Variants in OXCT1 observed in about 807,000 individuals in gnomAD.
The protein encoded by OXCT1 is 3-oxoacid CoA-transferase 1.
A neutral mutation model predicts 69.6 loss-of-function variants in OXCT1; 27 were observed. The observed-to-expected ratio is 0.39, with a 90% CI of 0.29 to 0.54. The LOEUF is 0.54. Ranked by LOEUF, OXCT1 falls within the 20% of genes least tolerant of loss-of-function variation. OXCT1 has a pLI of 0.72. For synonymous variants in OXCT1, 202 were observed against 217.8 expected, an observed-to-expected ratio of 0.93 and a Z score of 0.64; for missense variants, 437 against 650.2, an observed-to-expected ratio of 0.67 and a Z score of 3.57.
At chr5:41,860,127 C>T (rs979850988) in intron 3 of OXCT1, among the ~76,000 whole-genome samples, 1 of 151,690 alleles carries the variant, frequency 6.6e-6, no homozygotes, top group Admixed American at 6.6e-5. Context: ...TAAGAGTTAT[C>T]GAGTTGTCTT....
At chr5:41,864,071 T>A (rs1043974410) in intron 1 of OXCT1, among the ~76,000 whole-genome samples, 8 of 152,320 alleles carry the variant, frequency 5.3e-5, no homozygotes, top group African/African-American at 1.7e-4. Context: ...TGGTCCCAAA[T>A]GAGTCACCTA....
At chr5:41,867,396 A>T (rs556755065) in intron 1 of OXCT1, among the ~76,000 whole-genome samples, 7 of 152,244 alleles carry the variant, frequency 4.6e-5, no homozygotes, top group Non-Finnish European at 1.0e-4. Flanking sequence ...TCATTAAATA[A>T]TTACAAAATT....
intron 14 of OXCT1, among the ~76,000 whole-genome samples, chr5:41,760,194 A>G (rs1258033585): frequency 6.6e-6 from 1 of 152,162 alleles, no homozygotes; most frequent in Non-Finnish European, 1.5e-5. Flanking sequence ...CATATTCGAG[A>G]GCCACAAGTA....
chr5:41,839,017 C>T (rs190329974), intron 7 of OXCT1, among the ~76,000 whole-genome samples: 1 of 152,272 alleles, frequency 6.6e-6, no homozygotes, highest in Admixed American at 6.5e-5. Flanking sequence ...ATGTGTGTCT[C>T]GGCCTACCAG....
chr5:41,835,986 T>C (rs1026974648), intron 7 of OXCT1, among the ~76,000 whole-genome samples: 3 of 151,814 alleles, frequency 2.0e-5, no homozygotes, highest in Non-Finnish European at 2.9e-5. Context: ...GAAACTTAGA[T>C]GGTAGGTTAT....
rs186596830 is a variant in OXCT1, at chr5:41,810,631, T to C, written c.733-3193A>G. The stretch of plus-strand genomic sequence containing the variant: ...CTTTGTTTTAAAAGATTGCTTTCTC[T>C]GCACTGCACTCTTCCTACTTTATAA... On this transcript the variant is annotated intron_variant, in intron 7 of 16. Coordinates refer to ENST00000196371, the MANE Select transcript of OXCT1 (RefSeq NM_000436.4). 1.5e-4 allele frequency among the ~76,000 whole-genome samples: 23 copies of C among 152,220 alleles called. No homozygotes were observed. The East Asian group carries it at 4.3e-3, about 28-fold the overall frequency.
At chr5:41,793,893 TTAAAA>T in intron 13 of OXCT1, 105 bp downstream of exon 13, 3 of 739,312 alleles carry the variant, frequency 4.1e-6, no homozygotes, top group Non-Finnish European at 7.2e-6. Flanking sequence ...GAAATATATA[TTAAAA>T]TATTTCATTT....
In OXCT1 at chr5:41,801,041, A is replaced by G. The variant is rs140869022; in HGVS notation, c.1080T>C (p.Asp360=). The change falls in exon 11 of 17, where the codon GAT becomes GAC. Residue 360 remains aspartate, a synonymous_variant. Coordinates refer to ENST00000196371, the MANE Select transcript of OXCT1 (RefSeq NM_000436.4). Reference sequence around the variant, plus strand: ...GCTTACCTGCATTGATGAGATCTGCATCAGCTTCATGTTGTCGTGGATATG... The same window carrying G: ...GCTTACCTGCATTGATGAGATCTGCGTCAGCTTCATGTTGTCGTGGATATG... The part of the protein sequence containing the change: ...LGPYPRQHEA[D]ADLINAGKET... 249 of 1,612,990 alleles carry G rather than the reference A, an allele frequency of 1.5e-4. No individual in the cohort carries two copies. The African/African-American group carries it at 3.2e-3, about 21-fold the overall frequency.
intron 5 of OXCT1, among the ~76,000 whole-genome samples, chr5:41,844,295 A>G (rs1380996477): frequency 2.0e-5 from 3 of 152,130 alleles, no homozygotes; most frequent in African/African-American, 7.2e-5. Context: ...CATCCCCTCT[A>G]TTCCAAAAAG....
At chr5:41,741,296 T>C (rs1351054605) in intron 15 of OXCT1, among the ~76,000 whole-genome samples, 1 of 152,142 alleles carries the variant, frequency 6.6e-6, no homozygotes, top group East Asian at 1.9e-4. Context: ...TGAATTGTCA[T>C]TTTTGAATAC....
At chr5:41,866,863 C>A (rs1876653) in intron 1 of OXCT1, among the ~76,000 whole-genome samples, 14 of 152,018 alleles carry the variant, frequency 9.2e-5, no homozygotes, top group African/African-American at 3.4e-4. Context: ...ACTAGAAAAC[C>A]AAAGTTTGCC....
At chr5:41,843,228 T>A (rs554735816) in intron 5 of OXCT1, among the ~76,000 whole-genome samples, 53 of 152,322 alleles carry the variant, frequency 3.5e-4, no homozygotes, top group African/African-American at 1.2e-3. Flanking sequence ...ATAACCTATA[T>A]CACCTGTTGA....
Position 41,803,177 on chromosome 5 carries a change from ATGT to A in OXCT1, c.956-17_956-15del. The A allele has an allele frequency of 6.5e-7, 1 of 1,536,198 alleles. No individual in the cohort carries two copies. Among genetic ancestry groups the A allele is most frequent in the Non-Finnish European group, 9.0e-7 (1 of 1,109,590 alleles). On this transcript the variant is annotated splice_polypyrimidine_tract_variant and intron_variant, in intron 9 of 16. Coordinates refer to ENST00000196371, the MANE Select transcript of OXCT1 (RefSeq NM_000436.4). ...TGCCCAAATTAGCTGGAAAAAAAAG[ATGT>A]TAAGGTCCAGCATATAAAAGGTAGA...
chr5:41,743,873 G>C (rs1313456458), intron 15 of OXCT1, among the ~76,000 whole-genome samples: 1 of 152,124 alleles, frequency 6.6e-6, no homozygotes, highest in Non-Finnish European at 1.5e-5. Flanking sequence ...TGCTGTTTTG[G>C]TTACTGTAGC....
In OXCT1 at chr5:41,740,516, T is replaced by C. The variant is rs139439608; in HGVS notation, c.1420-1025A>G. On this transcript the variant is annotated intron_variant, in intron 15 of 16. Coordinates refer to ENST00000196371, the MANE Select transcript of OXCT1 (RefSeq NM_000436.4). ...TAACATCAGGTGTTGGTAGTGCCAA[T>C]TGGTATGGCTTGACCTCAGCAGATA... is the stretch of plus-strand genomic sequence containing the variant. 1.6e-4 allele frequency among the ~76,000 whole-genome samples: 25 copies of C among 152,320 alleles called. No individual in the cohort carries two copies. In the East Asian group the frequency reaches 3.9e-3, roughly 24 times the overall value.
intron 7 of OXCT1, among the ~76,000 whole-genome samples, chr5:41,812,986 C>T (rs1052145818): frequency 2.0e-5 from 3 of 152,154 alleles, no homozygotes; most frequent in East Asian, 1.9e-4. Context: ...TTATTATATA[C>T]ATGGTCTAGA....
At chr5:41,806,538 G>A (rs1746688549) in intron 8 of OXCT1, among the ~76,000 whole-genome samples, 2 of 152,054 alleles carry the variant, frequency 1.3e-5, no homozygotes, top group African/African-American at 4.8e-5. Flanking sequence ...AATTGGCTTA[G>A]TGCCATCCCT....
chr5:41,866,532 G>A (rs768859231), intron 1 of OXCT1, among the ~76,000 whole-genome samples: 1 of 152,202 alleles, frequency 6.6e-6, no homozygotes, highest in Non-Finnish European at 1.5e-5. Context: ...AGTAATATGT[G>A]AGTGGATACA....
intron 15 of OXCT1, 25 bp from the exon 16 acceptor site, chr5:41,739,516 C>T: frequency 1.4e-6 from 2 of 1,473,288 alleles, no homozygotes; most frequent in South Asian, 2.3e-5. Context: ...AGAAAAAGGA[C>T]AATGACAATT....
Sources: allele counts gnomAD v4.1 joint callset (sites outside exome capture counted in the v4.1 genomes callset), GRCh38; gene constraint gnomAD v4.1.1; transcripts MANE v1.5; gene names NCBI Gene and HGNC (gene_info 2026-07-23, HGNC 2026-07-21).